The following GRID1 variants were observed in gnomAD, a reference collection of about 807,000 sequenced individuals.
GRID1 encodes the protein glutamate receptor ionotropic, delta-1.
A neutral mutation model predicts 98.0 loss-of-function variants in GRID1; 28 were observed. The ratio of observed to expected loss-of-function variants is 0.29; its 90% confidence interval spans 0.21 to 0.39. The LOEUF (loss-of-function observed/expected upper bound fraction) is 0.39, where lower values mean the gene tolerates loss of function less well. GRID1 is among the 10% of genes least tolerant of loss of function. GRID1 has a pLI of 1.00. For missense variants in GRID1, 1,111 were observed against 1,340.5 expected (o/e 0.83, Z 2.67); for synonymous variants, 553 against 538.5 (o/e 1.03, Z -0.37).
intron 2 of GRID1, among the ~76,000 whole-genome samples, chr10:86,336,319 C>T (rs1290084903): frequency 1.3e-5 from 2 of 152,190 alleles, no homozygotes; most frequent in Non-Finnish European, 2.9e-5. Flanking sequence ...CAGCCCCTGG[C>T]CAAGCACACG....
Position 85,602,462 on chromosome 10 carries a change from G to A in GRID1, c.2841C>T (p.Pro947=). ...TCAGCGGCAGCGGCAGGTTGCTGCT[G>A]GGCCCTGATGAGAGTGTCCGGCTGG... is the stretch of plus-strand genomic sequence containing the variant. ...HGTSRTLSSG[P]SSNLPLPLSS... The change falls in exon 16 of 16, where the codon CCC becomes CCT. Residue 947 remains proline (P), a synonymous_variant. Coordinates refer to ENST00000327946, the MANE Select transcript of GRID1 (RefSeq NM_017551.3). 1 of 1,614,188 alleles carries A rather than the reference G, an allele frequency of 6.2e-7. No individual in the cohort carries two copies. Among genetic ancestry groups the A allele is most frequent in the African/African-American group, 1.3e-5 (1 of 75,068 alleles).
intron 4 of GRID1, among the ~76,000 whole-genome samples, chr10:85,975,360 A>T (rs1458332185): frequency 6.6e-6 from 1 of 152,212 alleles, no homozygotes; most frequent in Non-Finnish European, 1.5e-5. Flanking sequence ...TGGGGAACTG[A>T]AGGGCCATCA....
intron 4 of GRID1, among the ~76,000 whole-genome samples, chr10:86,019,889 GC>G (rs1316048371): frequency 2.0e-5 from 3 of 152,250 alleles, no homozygotes; most frequent in Admixed American, 6.5e-5. Flanking sequence ...CTCACTGGCA[GC>G]CCTGGTACAT....
chr10:85,732,007 G>C (rs752366603), intron 8 of GRID1, among the ~76,000 whole-genome samples: 13 of 152,112 alleles, frequency 8.5e-5, no homozygotes, highest in Non-Finnish European at 7.4e-5. Context: ...TACAGAATTG[G>C]TTCCTACAGC....
intron 2 of GRID1, among the ~76,000 whole-genome samples, chr10:86,253,998 C>A (rs2132050857): frequency 6.6e-6 from 1 of 152,006 alleles, no homozygotes; most frequent in Admixed American, 6.5e-5. Context: ...TACCACCCAC[C>A]AACACTAACA....
chr10:85,603,023 G>A (rs957896050), intron 15 of GRID1, among the ~76,000 whole-genome samples: 1 of 152,222 alleles, frequency 6.6e-6, no homozygotes, highest in African/African-American at 2.4e-5. Context: ...GCTTTCAAGA[G>A]CAGGCAGAGA....
intron 2 of GRID1, among the ~76,000 whole-genome samples, chr10:86,349,829 A>G (rs1848438590): frequency 6.6e-6 from 1 of 152,244 alleles, no homozygotes; most frequent in Non-Finnish European, 1.5e-5. Flanking sequence ...AACCAGCCAC[A>G]TACCAGGCTT....
Position 85,856,202 on chromosome 10 carries a change from G to C in GRID1, c.952-12C>G, listed in dbSNP as rs749219108. 2 of 1,613,646 alleles carry C rather than the reference G, an allele frequency of 1.2e-6. No individual in the cohort carries two copies. Among genetic ancestry groups the C allele is most frequent in the Non-Finnish European group, 1.7e-6 (2 of 1,179,590 alleles). ...TAGAGGTTGGAGATCTGCAAAGACA[G>C]AGGCAGTGAAACCCTTTCCACAGGT... is the stretch of plus-strand genomic sequence containing the variant. On this transcript the variant is annotated splice_polypyrimidine_tract_variant and intron_variant, in intron 6 of 15. Coordinates refer to ENST00000327946, the MANE Select transcript of GRID1 (RefSeq NM_017551.3).
At chr10:86,262,616 G>T (rs1000277115) in intron 2 of GRID1, among the ~76,000 whole-genome samples, 1 of 152,198 alleles carries the variant, frequency 6.6e-6, no homozygotes, top group Non-Finnish European at 1.5e-5. Flanking sequence ...CCACAGCCCT[G>T]TTAGGAAGGG....
intron 4 of GRID1, among the ~76,000 whole-genome samples, chr10:86,137,539 C>A (rs1232233597): frequency 1.3e-5 from 2 of 152,216 alleles, no homozygotes; most frequent in Non-Finnish European, 2.9e-5. Flanking sequence ...CAGAATCCAG[C>A]TGGGGAAATA....
intron 2 of GRID1, among the ~76,000 whole-genome samples, chr10:86,308,838 G>A (rs957111119): frequency 5.9e-5 from 9 of 152,012 alleles, no homozygotes; most frequent in Non-Finnish European, 1.0e-4. Context: ...ACCTCACTTC[G>A]GTAACAACTC....
chr10:85,758,753 C>T (rs1318186813), intron 8 of GRID1, among the ~76,000 whole-genome samples: 1 of 152,176 alleles, frequency 6.6e-6, no homozygotes, highest in Non-Finnish European at 1.5e-5. Flanking sequence ...CTATCTTCCT[C>T]ATAGGGCTAT....
At chr10:86,351,632 C>A (rs1164696982) in intron 2 of GRID1, among the ~76,000 whole-genome samples, 1 of 152,196 alleles carries the variant, frequency 6.6e-6, no homozygotes, top group Non-Finnish European at 1.5e-5. Context: ...GATGCACCCC[C>A]TTCTCTTGGG....
chr10:86,170,937 C>G (rs1845476806), intron 3 of GRID1, among the ~76,000 whole-genome samples: 1 of 152,122 alleles, frequency 6.6e-6, no homozygotes, highest in Non-Finnish European at 1.5e-5. Context: ...ACCCCCCACG[C>G]TTCCTCCCCC....
intron 4 of GRID1, among the ~76,000 whole-genome samples, chr10:85,976,647 C>T (rs1309520340): frequency 6.6e-6 from 1 of 152,218 alleles, no homozygotes; most frequent in African/African-American, 2.4e-5. Context: ...CCCTCACATT[C>T]CAGGATGATA....
chr10:86,366,021 C>G lies in GRID1; in HGVS notation c.79+293G>C, dbSNP rs1440787849. ...GACCCGCCGACGGCCCCGCTAAGGG[C>G]GCGGGTCTCGACGCGCGTCCATCCC... is the stretch of plus-strand genomic sequence containing the variant. On this transcript the variant is annotated intron_variant, in intron 1 of 15. Coordinates refer to ENST00000327946, the MANE Select transcript of GRID1 (RefSeq NM_017551.3). The surrounding 1 kb of genome is among the most constrained non-coding windows in gnomAD (Gnocchi z 4.1). 6.6e-6 allele frequency among the ~76,000 whole-genome samples: 1 copy of G among 152,046 alleles called. No individual in the cohort carries two copies. Among genetic ancestry groups the G allele is most frequent in the Non-Finnish European group, 1.5e-5 (1 of 67,976 alleles).
At chr10:85,738,291 C>G (rs1841906895) in intron 8 of GRID1, among the ~76,000 whole-genome samples, 1 of 152,118 alleles carries the variant, frequency 6.6e-6, no homozygotes, top group Admixed American at 6.6e-5. Flanking sequence ...CATACATGCT[C>G]CATATCATGA....
At chr10:86,294,516 A>C (rs1847560463) in intron 2 of GRID1, among the ~76,000 whole-genome samples, 1 of 152,138 alleles carries the variant, frequency 6.6e-6, no homozygotes, top group Non-Finnish European at 1.5e-5. Context: ...GGGCTGAGCT[A>C]GAAGGGTGGG....
intron 12 of GRID1, among the ~76,000 whole-genome samples, chr10:85,694,565 T>C (rs1022694600): frequency 1.3e-4 from 3 of 22,760 alleles, no homozygotes; most frequent in Non-Finnish European, 2.5e-4. Flanking sequence ...TATATATATA[T>C]ATATATATAT....
Sources: gnomAD v4.1 joint callset for allele counts (sites outside exome capture counted in the v4.1 genomes callset) on GRCh38, gnomAD v4.1.1 for gene constraint, Gnocchi (gnomAD v3.1) non-coding constraint, MANE v1.5 for transcripts, NCBI Gene and HGNC (gene_info 2026-07-23, HGNC 2026-07-21) for gene names.